The following LYZL4 variants were observed in gnomAD, a reference collection of about 807,000 sequenced individuals.
LYZL4 encodes the protein lysozyme-like protein 4.
In LYZL4, 13 loss-of-function variants were observed where a neutral mutation model predicts 17.6. That is an observed-to-expected ratio of 0.74 (90% CI 0.48 to 1.18). The LOEUF (loss-of-function observed/expected upper bound fraction) is 1.18, where lower values mean the gene tolerates loss of function less well. Among genes scored for constraint, LYZL4 ranks in the 50% most tolerant of loss-of-function variants. The pLI, the probability that LYZL4 is intolerant of heterozygous loss-of-function variation, is 0.00. For synonymous variants in LYZL4, 64 were observed against 67.7 expected (o/e 0.95, Z 0.27); for missense variants, 174 against 188.2 (o/e 0.92, Z 0.44).
the LYZL4 span, among the ~76,000 whole-genome samples, chr3:42,385,877 T>C: frequency 6.6e-6 from 1 of 152,218 alleles, no homozygotes; most frequent in African/African-American, 2.4e-5. Context: ...CTATTGCTGC[T>C]GTACCCAATG....
chr3:42,375,451 C>T, the LYZL4 span, among the ~76,000 whole-genome samples: 12 of 152,330 alleles, frequency 7.9e-5, no homozygotes, highest in East Asian at 5.8e-4. Context: ...GCCAAATGAG[C>T]GAGCCACCAA....
the LYZL4 span, among the ~76,000 whole-genome samples, chr3:42,368,825 T>C: frequency 6.6e-6 from 1 of 152,228 alleles, no homozygotes. Flanking sequence ...ATACTTGCCA[T>C]TTAGTAGATT....
chr3:42,406,193 C>G (rs892044239), intron 3 of LYZL4, among the ~76,000 whole-genome samples: 5 of 152,084 alleles, frequency 3.3e-5, no homozygotes, highest in African/African-American at 9.7e-5. Context: ...GTGGCTCACG[C>G]CTGTAACCCT....
At chr3:42,394,226 A>G (rs560314559), downstream of LYZL4, among the ~76,000 whole-genome samples, 1 of 152,358 alleles carries the variant, frequency 6.6e-6, no homozygotes, top group East Asian at 1.9e-4. Flanking sequence ...CAACACGATG[A>G]CCATTGTCCT....
chr3:42,362,405 T>C, the LYZL4 span, among the ~76,000 whole-genome samples: 1 of 152,222 alleles, frequency 6.6e-6, no homozygotes, highest in Non-Finnish European at 1.5e-5. Flanking sequence ...GTTATCTTAG[T>C]TCACTGAACT....
Position 42,407,149 on chromosome 3 carries a change from C to T in LYZL4, c.103G>A (p.Gly35Ser), listed in dbSNP as rs199942634. ...CTATAGCCCTCAAAATAATCCAGGC[C>T]TCCATCGTGGAGTTTCTTAGCCACT... ...CTVAKKLHDG[G>S]LDYFEGYSLE... Residue 35 changes from glycine (G) to serine (S), a missense_variant, in exon 2 of 5, where the codon GGC (glycine) becomes AGC (serine). Physicochemically the swap from Gly to Ser is moderately conservative, Grantham distance 56. Transcript: ENST00000287748. 1 of 1,614,180 alleles carries T rather than the reference C, an allele frequency of 6.2e-7. No homozygotes were observed. The highest frequency in any genetic ancestry group is 1.3e-5 in the African/African-American group (1 of 75,046).
At chr3:42,363,583 T>C in the LYZL4 span, among the ~76,000 whole-genome samples, 1 of 152,172 alleles carries the variant, frequency 6.6e-6, no homozygotes, top group Non-Finnish European at 1.5e-5. Flanking sequence ...TATAATAAAA[T>C]GTTGGAAAAT....
At chr3:42,378,196 C>T in the LYZL4 span, among the ~76,000 whole-genome samples, 1 of 152,184 alleles carries the variant, frequency 6.6e-6, no homozygotes, top group Non-Finnish European at 1.5e-5. Context: ...AATCAGCATT[C>T]CATTCCCATC....
intron 1 of LYZL4, among the ~76,000 whole-genome samples, chr3:42,407,886 T>G (rs1250528026): frequency 1.3e-5 from 2 of 152,098 alleles, no homozygotes; most frequent in Non-Finnish European, 2.9e-5. Context: ...GTCCACGCAA[T>G]GAGACAAGCC....
downstream of LYZL4, among the ~76,000 whole-genome samples, chr3:42,392,506 A>T (rs1321211638): frequency 6.6e-6 from 1 of 152,210 alleles, no homozygotes; most frequent in East Asian, 1.9e-4. Context: ...AGTCAACAGG[A>T]TTTTGTGGGA....
chr3:42,391,928 G>A, the LYZL4 span, among the ~76,000 whole-genome samples: 2 of 151,476 alleles, frequency 1.3e-5, no homozygotes, highest in South Asian at 4.2e-4. Flanking sequence ...AGGCTAGAGT[G>A]CAGTGGTGCG....
chr3:42,378,485 G>T, the LYZL4 span, among the ~76,000 whole-genome samples: 1 of 152,182 alleles, frequency 6.6e-6, no homozygotes, highest in Non-Finnish European at 1.5e-5. Flanking sequence ...TCTAATCCCT[G>T]AAGTACTCTG....
chr3:42,374,333 A>C, the LYZL4 span, among the ~76,000 whole-genome samples: 1 of 152,026 alleles, frequency 6.6e-6, no homozygotes, highest in African/African-American at 2.4e-5. Flanking sequence ...TAAATTATTC[A>C]CTCCAAGTGC....
chr3:42,363,668 T>C, the LYZL4 span, among the ~76,000 whole-genome samples: 1 of 152,214 alleles, frequency 6.6e-6, no homozygotes, highest in African/African-American at 2.4e-5. Context: ...ATAGCCCAAG[T>C]TGCTGAAGGA....
chr3:42,375,105 C>A, the LYZL4 span, among the ~76,000 whole-genome samples: 4 of 152,124 alleles, frequency 2.6e-5, no homozygotes, highest in Non-Finnish European at 5.9e-5. Context: ...GCCACTGTAC[C>A]TGGCCTAGTA....
chr3:42,387,831 C>A, the LYZL4 span, among the ~76,000 whole-genome samples: 1 of 152,106 alleles, frequency 6.6e-6, no homozygotes, highest in Non-Finnish European at 1.5e-5. Context: ...CCACCCAGCT[C>A]GGCCCTCTTT....
At chr3:42,398,046 A>C (rs982132860) in intron 4 of LYZL4, among the ~76,000 whole-genome samples, 9 of 152,248 alleles carry the variant, frequency 5.9e-5, no homozygotes, top group African/African-American at 2.2e-4. Context: ...CGGGTCTTCC[A>C]GGATAGGAGG....
chr3:42,404,130 G>T lies in LYZL4; in HGVS notation c.293-6C>A. On this transcript the variant is annotated splice_polypyrimidine_tract_variant and splice_region_variant and intron_variant, in intron 3 of 4. Coordinates refer to ENST00000287748, the MANE Select transcript of LYZL4 (RefSeq NM_144634.4). ...TAAATTAGGATTCAGTAAAGCTGTG[G>T]GGAAAAGAAAATGGAAGATACCATG... The T allele has an allele frequency of 1.2e-6, 2 of 1,602,702 alleles. No individual in the cohort carries two copies. Among genetic ancestry groups the T allele is most frequent in the Non-Finnish European group, 1.7e-6 (2 of 1,170,094 alleles).
chr3:42,364,680 G>T, the LYZL4 span, among the ~76,000 whole-genome samples: 1 of 151,610 alleles, frequency 6.6e-6, no homozygotes. Context: ...TGCTATCTTG[G>T]CCAGGCTGGT....
Sources: gnomAD v4.1 joint callset for allele counts (sites outside exome capture counted in the v4.1 genomes callset) on GRCh38, gnomAD v4.1.1 for gene constraint, MANE v1.5 for transcripts, NCBI Gene and HGNC (gene_info 2026-07-23, HGNC 2026-07-21) for gene names.